The following NCOA2 variants were observed in gnomAD, a reference collection of about 807,000 sequenced individuals.
NCOA2 encodes the protein nuclear receptor coactivator 2.
A neutral mutation model predicts 145.1 loss-of-function variants in NCOA2; 21 were observed. The ratio of observed to expected loss-of-function variants is 0.14; its 90% CI spans 0.10 to 0.21. NCOA2 has a LOEUF of 0.21. NCOA2 is among the 10% of genes least tolerant of loss of function. NCOA2 has a pLI of 1.00. For missense variants in NCOA2, 1,472 were observed against 1,837.6 expected (o/e 0.80, Z 3.64); for synonymous variants, 619 against 637.5 (o/e 0.97, Z 0.44).
At chr8:70,165,103 G>T (rs1358830672) in intron 7 of NCOA2, among the ~76,000 whole-genome samples, 1 of 152,134 alleles carries the variant, frequency 6.6e-6, no homozygotes, top group Non-Finnish European at 1.5e-5. Flanking sequence ...TAATAAATTA[G>T]CTCAGCTATT....
At chr8:70,131,731 A>G in intron 16 of NCOA2, 106 bp downstream of exon 16, 1 of 1,229,516 alleles carries the variant, frequency 8.1e-7, no homozygotes, top group Non-Finnish European at 1.1e-6. Context: ...AAAAACAACA[A>G]CAATATATTC....
chr8:70,302,845 AAC>A (rs1354633060), intron 1 of NCOA2, among the ~76,000 whole-genome samples: 2 of 152,224 alleles, frequency 1.3e-5, no homozygotes, highest in South Asian at 2.1e-4. Context: ...CCATAATTAT[AAC>A]AGATATATAG....
intron 1 of NCOA2, among the ~76,000 whole-genome samples, chr8:70,344,907 T>G (rs10112498): frequency 0.45 from 69,040 of 152,102 alleles, 18,483 homozygotes; most frequent in Non-Finnish European, 0.59. Context: ...TCAAGTGGTG[T>G]TCATGTTAAC....
Position 70,191,699 on chromosome 8 carries a change from C to T in NCOA2, c.260-16840G>A, listed in dbSNP as rs188225911. On this transcript the variant is annotated intron_variant, in intron 4 of 22. Coordinates refer to ENST00000452400, the MANE Select transcript of NCOA2 (RefSeq NM_006540.4). ...ATGTTTTTATAGAAGTGAGAGAGAC[C>T]CATGAGAATCTCCTGTGAGATTAAA... Among the ~76,000 whole-genome samples, 5 of 152,050 alleles carry T rather than the reference C, an allele frequency of 3.3e-5. No homozygotes were observed. The East Asian group carries it at 9.7e-4, about 30-fold the overall frequency.
intron 2 of NCOA2, among the ~76,000 whole-genome samples, chr8:70,226,407 G>GTT (rs1820641007): frequency 6.6e-6 from 1 of 151,972 alleles, no homozygotes; most frequent in East Asian, 1.9e-4. Context: ...AATATAAACT[G>GTT]TAAGTGTATG....
At chr8:70,254,118 T>C (rs1054650439) in intron 2 of NCOA2, among the ~76,000 whole-genome samples, 8 of 152,056 alleles carry the variant, frequency 5.3e-5, no homozygotes, top group African/African-American at 1.9e-4. Flanking sequence ...GACACACAAA[T>C]GGGCAAATAA....
intron 1 of NCOA2, among the ~76,000 whole-genome samples, chr8:70,364,894 T>C (rs1036274027): frequency 4.6e-5 from 7 of 152,006 alleles, no homozygotes; most frequent in Non-Finnish European, 8.8e-5. Flanking sequence ...GAGATTACCA[T>C]TTCTGTTCAT....
chr8:70,323,031 G>A (rs967525430), intron 1 of NCOA2, among the ~76,000 whole-genome samples: 4 of 152,170 alleles, frequency 2.6e-5, no homozygotes, highest in Admixed American at 2.0e-4. Context: ...AGGCAAGCAG[G>A]TATTTCCCCA....
At chr8:70,315,532 C>G (rs1805513878) in intron 1 of NCOA2, among the ~76,000 whole-genome samples, 1 of 152,108 alleles carries the variant, frequency 6.6e-6, no homozygotes, top group African/African-American at 2.4e-5. Flanking sequence ...TGACCTTATA[C>G]TACACAAGAC....
rs529130390 is a variant in NCOA2, at chr8:70,252,020, T to C, written c.-19-35256A>G. 1.1e-3 allele frequency among the ~76,000 whole-genome samples: 172 copies of C among 152,366 alleles called. 3 individuals are homozygous for C. The highest frequency in any genetic ancestry group is 8.9e-3 in the South Asian group (43 of 4,830). ...CTACACACAGACTTTAAATCATTTA[T>C]AGATTACTTATAATGCCTATACAAG... On this transcript the variant is annotated intron_variant, in intron 2 of 22. Transcript: ENST00000452400.
chr8:70,385,759 T>C (rs1812600926), intron 1 of NCOA2, among the ~76,000 whole-genome samples: 1 of 152,260 alleles, frequency 6.6e-6, no homozygotes, highest in Non-Finnish European at 1.5e-5. Flanking sequence ...ACTTAACATA[T>C]TCCAATAGAA....
At chr8:70,332,386 C>T (rs1807191245) in intron 1 of NCOA2, among the ~76,000 whole-genome samples, 1 of 152,124 alleles carries the variant, frequency 6.6e-6, no homozygotes, top group Non-Finnish European at 1.5e-5. Context: ...ATATGTTCCA[C>T]AATACTACAA....
At chr8:70,265,815 G>T (rs565637311) in intron 2 of NCOA2, among the ~76,000 whole-genome samples, 27 of 146,668 alleles carry the variant, frequency 1.8e-4, no homozygotes, top group South Asian at 4.2e-4. Context: ...TCAGTTTTTT[G>T]TTGTTGTTGT....
chr8:70,207,212 C>G (rs1217971561), intron 4 of NCOA2, among the ~76,000 whole-genome samples: 5 of 152,086 alleles, frequency 3.3e-5, no homozygotes, highest in African/African-American at 1.2e-4. Context: ...ACATTAATGA[C>G]AGAATTAATT....
At chr8:70,443,921 G>A in the NCOA2 span, among the ~76,000 whole-genome samples, 2 of 152,110 alleles carry the variant, frequency 1.3e-5, no homozygotes, top group Non-Finnish European at 2.9e-5. Context: ...ATGGTCACAT[G>A]AATCTTAGCA....
chr8:70,301,874 C>T (rs114588331), intron 1 of NCOA2, among the ~76,000 whole-genome samples: 1,682 of 152,046 alleles, frequency 0.011, 41 homozygotes, highest in African/African-American at 0.038. Context: ...AAAAAGAGAA[C>T]GCACAGGGAA....
At chr8:70,402,867 G>A (rs965527542) in intron 1 of NCOA2, among the ~76,000 whole-genome samples, 3 of 144,644 alleles carry the variant, frequency 2.1e-5, no homozygotes, top group African/African-American at 7.6e-5. Flanking sequence ...CGCCGCCGGG[G>A]CCCGGCCCCC....
intron 2 of NCOA2, among the ~76,000 whole-genome samples, chr8:70,246,362 A>G (rs1330439072): frequency 3.9e-5 from 6 of 152,160 alleles, no homozygotes; most frequent in African/African-American, 1.2e-4. Flanking sequence ...AGTGGGGAAA[A>G]AGATGGTGTA....
At chr8:70,326,328 T>A (rs888124777) in intron 1 of NCOA2, among the ~76,000 whole-genome samples, 2 of 152,084 alleles carry the variant, frequency 1.3e-5, no homozygotes, top group African/African-American at 4.8e-5. Flanking sequence ...CATATACATG[T>A]GAAAGGATAC....
Sources: allele counts gnomAD v4.1 joint callset (sites outside exome capture counted in the v4.1 genomes callset), GRCh38; gene constraint gnomAD v4.1.1; transcripts MANE v1.5; gene names NCBI Gene and HGNC (gene_info 2026-07-23, HGNC 2026-07-21).